The following ARFGEF1 variants were observed in gnomAD, a reference collection of about 807,000 sequenced individuals.
The protein encoded by ARFGEF1 is brefeldin A-inhibited guanine nucleotide-exchange protein 1.
ARFGEF1 carries 42 observed loss-of-function variants against 231.0 expected under a neutral mutation model. That is an observed-to-expected ratio of 0.18 (90% CI 0.14 to 0.24). ARFGEF1 has a LOEUF of 0.24. Ranked by LOEUF, ARFGEF1 falls within the 10% of genes least tolerant of loss-of-function variation. The pLI is 1.00. For missense variants in ARFGEF1, 1,345 were observed against 2,192.0 expected (o/e 0.61, Z 7.72); for synonymous variants, 710 against 732.3 (o/e 0.97, Z 0.49).
intron 5 of ARFGEF1, among the ~76,000 whole-genome samples, chr8:67,192,310 G>A (rs183865332): frequency 9.6e-4 from 146 of 152,036 alleles, no homozygotes; most frequent in African/African-American, 3.4e-3. Context: ...CCTAACCTCG[G>A]GTGATCCACC....
At chr8:67,207,087 A>G (rs1384610994) in intron 34 of ARFGEF1, 1 of 152,232 alleles carries the variant, frequency 6.6e-6, no homozygotes. Flanking sequence ...AAAACAAAAC[A>G]AAGAAACCTG....
chr8:67,243,104 C>A (rs1055967973), intron 19 of ARFGEF1, among the ~76,000 whole-genome samples: 6 of 152,222 alleles, frequency 3.9e-5, no homozygotes, highest in Admixed American at 1.3e-4. Context: ...CCAGAGAATT[C>A]TTCTGAATGT....
chr8:67,250,917 A>G (rs760663986), intron 19 of ARFGEF1, among the ~76,000 whole-genome samples: 6 of 152,356 alleles, frequency 3.9e-5, no homozygotes, highest in South Asian at 4.1e-4. Flanking sequence ...GAAGCCTGAT[A>G]TAAGTTCCTG....
At chr8:67,223,264 C>A (rs551840262) in intron 29 of ARFGEF1, among the ~76,000 whole-genome samples, 1 of 152,120 alleles carries the variant, frequency 6.6e-6, no homozygotes, top group African/African-American at 2.4e-5. Flanking sequence ...GGCTGGAGTA[C>A]AGTGGTGTGA....
At chr8:67,323,474 T>C (rs1464356025) in intron 1 of ARFGEF1, among the ~76,000 whole-genome samples, 2 of 152,190 alleles carry the variant, frequency 1.3e-5, no homozygotes, top group African/African-American at 2.4e-5. Flanking sequence ...TTTACTCTGG[T>C]GTCCCATATG....
intron 7 of ARFGEF1, among the ~76,000 whole-genome samples, chr8:67,277,771 G>C (rs892534562): frequency 6.6e-6 from 1 of 152,166 alleles, no homozygotes; most frequent in East Asian, 1.9e-4. Context: ...GAATGCTAAT[G>C]ACTTGAGATG....
At chr8:67,193,629 AG>A, downstream of ARFGEF1, 1 of 1,590,740 alleles carries the variant, frequency 6.3e-7, no homozygotes, top group Non-Finnish European at 8.6e-7. Context: ...AATGGCCTAT[AG>A]TAGAATCCTG....
At chr8:67,308,497 G>A (rs1806848228) in intron 1 of ARFGEF1, among the ~76,000 whole-genome samples, 1 of 152,146 alleles carries the variant, frequency 6.6e-6, no homozygotes, top group South Asian at 2.1e-4. Context: ...AATGCAGCTA[G>A]GGCTCTGTCC....
chr8:67,221,907 A>G (rs1293702114), intron 29 of ARFGEF1, among the ~76,000 whole-genome samples: 2 of 149,766 alleles, frequency 1.3e-5, no homozygotes, highest in East Asian at 2.0e-4. Context: ...TCCACCTCCC[A>G]GGTTCAAGCC....
rs770469326 is a variant in ARFGEF1 at position 67,265,975 on chromosome 8, A to G, written c.2123+31T>C. On this transcript the variant is annotated intron_variant, in intron 14 of 38. Transcript: ENST00000262215. ...CACTATACTGGCAGAGAGATATTCA[A>G]TAACATTTCTCCTTAAGCTATGACA... 3 of 1,602,116 alleles carry G rather than the reference A, an allele frequency of 1.9e-6. No homozygotes were observed. The East Asian group carries it at 6.7e-5, about 36-fold the overall frequency.
chr8:67,183,910 T>C (rs564626392), intron 5 of ARFGEF1, among the ~76,000 whole-genome samples: 2 of 147,548 alleles, frequency 1.4e-5, no homozygotes, highest in Admixed American at 1.4e-4. Context: ...TGGAGCGTGA[T>C]GGCGTGATCT....
intron 5 of ARFGEF1, chr8:67,177,767 GA>G (rs553242481): frequency 1.5e-5 from 22 of 1,441,500 alleles, no homozygotes; most frequent in Non-Finnish European, 1.8e-5. Context: ...GTTTTTGGGG[GA>G]TTAAAAATCT....
intron 22 of ARFGEF1, among the ~76,000 whole-genome samples, chr8:67,237,608 A>T (rs192026594): frequency 6.6e-6 from 1 of 152,306 alleles, no homozygotes; most frequent in East Asian, 1.9e-4. Context: ...GAAACTTCGA[A>T]TATACCAGCC....
chr8:67,279,758 G>T (rs1432087362), intron 7 of ARFGEF1, among the ~76,000 whole-genome samples: 2 of 152,088 alleles, frequency 1.3e-5, no homozygotes, highest in East Asian at 3.8e-4. Flanking sequence ...TGTAAAGAGG[G>T]GATAGTAATA....
chr8:67,277,222 T>C (rs1805350828), intron 8 of ARFGEF1, 60 bp downstream of exon 8: 1 of 1,526,958 alleles, frequency 6.5e-7, no homozygotes, highest in African/African-American at 1.4e-5. Context: ...AAGGTGGTGG[T>C]AGCCTATAAA....
At chr8:67,218,409 T>C (rs779658970) in intron 30 of ARFGEF1, among the ~76,000 whole-genome samples, 16 of 141,526 alleles carry the variant, frequency 1.1e-4, no homozygotes, top group African/African-American at 3.9e-4. Flanking sequence ...GTTTTGATTA[T>C]TAAAAAAAAC....
At position 67,302,554 on chromosome 8, in the gene ARFGEF1, A is replaced by T. The variant is rs896321806; in HGVS notation, c.125-88T>A. The stretch of plus-strand genomic sequence containing the variant: ...CTTAAGTTCTATAAACTCATTTGGA[A>T]CTTCTACAAAAAGTTGGAAAGAATG... On this transcript the variant is annotated intron_variant, in intron 1 of 38. Transcript: ENST00000262215. The T allele has an allele frequency of 4.3e-6, 4 of 920,740 alleles. No individual in the cohort carries two copies. In the East Asian group the frequency reaches 1.1e-4, roughly 25 times the overall value. The allele number at this position is 920,740 out of a possible 1,614,324, so 57.0% of individuals were successfully genotyped here. A position where few individuals can be genotyped will look rare whatever the true frequency, so the allele number is the denominator to read the frequency against.
intron 14 of ARFGEF1, among the ~76,000 whole-genome samples, chr8:67,264,258 A>G (rs985411105): frequency 6.6e-6 from 1 of 152,186 alleles, no homozygotes; most frequent in African/African-American, 2.4e-5. Context: ...ATAAATAATC[A>G]TGATTTGATT....
At chr8:67,289,699 G>A (rs1805926356) in intron 6 of ARFGEF1, among the ~76,000 whole-genome samples, 1 of 151,378 alleles carries the variant, frequency 6.6e-6, no homozygotes, top group African/African-American at 2.4e-5. Context: ...AATGCCACAA[G>A]AGAAAACCAG....
Sources: gnomAD v4.1 joint callset for allele counts (sites outside exome capture counted in the v4.1 genomes callset) on GRCh38, gnomAD v4.1.1 for gene constraint, MANE v1.5 for transcripts, NCBI Gene and HGNC (gene_info 2026-07-23, HGNC 2026-07-21) for gene names.